CCDC171: variants seen among roughly 807,000 people sequenced by gnomAD.
CCDC171 encodes the protein coiled-coil domain containing 171, also known as coiled-coil domain-containing protein 171.
A neutral mutation model predicts 168.2 loss-of-function variants in CCDC171; 177 were observed. That is an observed-to-expected ratio of 1.05 (90% CI 0.93 to 1.19). CCDC171 has a LOEUF of 1.19. Among genes scored for constraint, CCDC171 ranks in the 50% most tolerant of loss-of-function variants. CCDC171 has a pLI of 0.00. For synonymous variants in CCDC171, 687 were observed against 540.8 expected (o/e 1.27, Z -3.75); for missense variants, 1,991 against 1,539.0 (o/e 1.29, Z -4.91).
At chr9:15,690,697 A>T (rs778372533) in intron 10 of CCDC171, among the ~76,000 whole-genome samples, 1 of 149,344 alleles carries the variant, frequency 6.7e-6, no homozygotes, top group East Asian at 1.9e-4. Flanking sequence ...TTAAGAATAT[A>T]TTATAGTCAG....
chr9:15,625,400 G>A (rs1273758635), intron 7 of CCDC171, among the ~76,000 whole-genome samples: 2 of 152,142 alleles, frequency 1.3e-5, no homozygotes, highest in African/African-American at 4.8e-5. Context: ...CCATGCCTAT[G>A]TCCTGAATGG....
intron 23 of CCDC171, among the ~76,000 whole-genome samples, chr9:15,851,707 C>A (rs551623511): frequency 6.6e-6 from 1 of 151,988 alleles, no homozygotes; most frequent in East Asian, 1.9e-4. Context: ...GCAAAAGAAA[C>A]CCAGTACCCA....
At chr9:15,599,783 A>T (rs2042684513) in intron 6 of CCDC171, among the ~76,000 whole-genome samples, 2 of 152,120 alleles carry the variant, frequency 1.3e-5, no homozygotes, top group South Asian at 4.1e-4. Flanking sequence ...TTTCAGGTAC[A>T]CCCATCAGAC....
chr9:15,912,656 A>G (rs1823874030), intron 24 of CCDC171, among the ~76,000 whole-genome samples: 1 of 152,178 alleles, frequency 6.6e-6, no homozygotes, highest in African/African-American at 2.4e-5. Context: ...CCCATTCAGT[A>G]TGATATTGGC....
chr9:15,614,671 C>T (rs976873714), intron 6 of CCDC171, among the ~76,000 whole-genome samples: 1 of 152,102 alleles, frequency 6.6e-6, no homozygotes, highest in Admixed American at 6.5e-5. Flanking sequence ...GTTGCCCCTC[C>T]CCCTTTAACA....
intron 9 of CCDC171, among the ~76,000 whole-genome samples, chr9:15,669,420 A>T (rs1461108437): frequency 1.3e-5 from 2 of 152,214 alleles, no homozygotes; most frequent in Non-Finnish European, 2.9e-5. Flanking sequence ...TGATCAAATC[A>T]GGGTAATTGG....
intron 24 of CCDC171, among the ~76,000 whole-genome samples, chr9:15,919,462 T>G (rs895791440): frequency 2.0e-5 from 3 of 151,720 alleles, no homozygotes; most frequent in Non-Finnish European, 3.0e-5. Flanking sequence ...ACATTTTTCT[T>G]GTAAACAATA....
chr9:15,604,993 C>G (rs1326153939), intron 6 of CCDC171, among the ~76,000 whole-genome samples: 1 of 152,164 alleles, frequency 6.6e-6, no homozygotes, highest in Non-Finnish European at 1.5e-5. Context: ...TCACAGCTCA[C>G]TGCAGCCTTT....
chr9:16,013,534 A>T (rs952250731), intron 3 of CCDC171, among the ~76,000 whole-genome samples: 6 of 152,194 alleles, frequency 3.9e-5, no homozygotes, highest in Non-Finnish European at 8.8e-5. Flanking sequence ...CGCTCTTGGG[A>T]CATACAGGCA....
chr9:15,597,999 T>G (rs1316117979), intron 6 of CCDC171, among the ~76,000 whole-genome samples: 2 of 152,152 alleles, frequency 1.3e-5, no homozygotes, highest in Non-Finnish European at 2.9e-5. Context: ...ATATCCCCTT[T>G]ATGATTTTTT....
intron 24 of CCDC171, among the ~76,000 whole-genome samples, chr9:15,910,187 C>T (rs888099190): frequency 3.3e-5 from 5 of 151,934 alleles, no homozygotes; most frequent in Admixed American, 1.3e-4. Context: ...CACACACACA[C>T]ACACACACAC....
At chr9:16,090,483 T>A in the CCDC171 span, among the ~76,000 whole-genome samples, 1 of 152,148 alleles carries the variant, frequency 6.6e-6, no homozygotes, top group African/African-American at 2.4e-5. Context: ...GGTTGATAGA[T>A]GTAGCAAACC....
At chr9:15,724,312 A>T (rs1022440764) in intron 13 of CCDC171, among the ~76,000 whole-genome samples, 1 of 152,216 alleles carries the variant, frequency 6.6e-6, no homozygotes. Flanking sequence ...TCCTGGACAC[A>T]CTTCAAAAGA....
intron 11 of CCDC171, among the ~76,000 whole-genome samples, chr9:15,719,920 G>T (rs2134166558): frequency 1.3e-5 from 2 of 151,828 alleles, no homozygotes; most frequent in South Asian, 4.2e-4. Context: ...ATATATATTT[G>T]ATAAGACCTT....
intron 18 of CCDC171, among the ~76,000 whole-genome samples, chr9:15,750,762 A>G (rs993351804): frequency 6.6e-6 from 1 of 152,190 alleles, no homozygotes; most frequent in Admixed American, 6.5e-5. Context: ...TAAACTAGGT[A>G]TTGATGGAAC....
At chr9:15,755,328 G>A (rs931607078) in intron 18 of CCDC171, among the ~76,000 whole-genome samples, 9 of 152,154 alleles carry the variant, frequency 5.9e-5, no homozygotes, top group African/African-American at 2.2e-4. Context: ...TTGTTGGTAG[G>A]AATGAAAAGG....
At chr9:15,937,481 G>A (rs1024855956) in intron 25 of CCDC171, among the ~76,000 whole-genome samples, 1 of 151,826 alleles carries the variant, frequency 6.6e-6, no homozygotes, top group Non-Finnish European at 1.5e-5. Context: ...ATTGTCACTG[G>A]TATAAATATA....
At chr9:15,874,783 T>G in intron 24 of CCDC171, 120 bp downstream of exon 24, 1 of 949,362 alleles carries the variant, frequency 1.1e-6, no homozygotes, top group Non-Finnish European at 1.5e-6. Flanking sequence ...AAATAGATGT[T>G]TCTTCATTTT....
rs566164661 is a variant in CCDC171, at chr9:15,598,215, T to A, written c.675+4043T>A. 1.6e-4 allele frequency among the ~76,000 whole-genome samples: 25 copies of A among 152,280 alleles called. No individual in the cohort carries two copies. In the South Asian group the frequency reaches 4.1e-3, roughly 25 times the overall value. Reference sequence around the variant, plus strand: ...GCTTTTGAATGTGTTTGCTCTTGCTTCTCTAGTTCTTTTAATTGTGATGTT... The same window carrying A: ...GCTTTTGAATGTGTTTGCTCTTGCTACTCTAGTTCTTTTAATTGTGATGTT... On this transcript the variant is annotated intron_variant, in intron 6 of 25. Coordinates refer to ENST00000380701, the MANE Select transcript of CCDC171 (RefSeq NM_173550.4).
Sources: allele counts gnomAD v4.1 joint callset (sites outside exome capture counted in the v4.1 genomes callset), GRCh38; gene constraint gnomAD v4.1.1; transcripts MANE v1.5; gene names NCBI Gene and HGNC (gene_info 2026-07-23, HGNC 2026-07-21).